The following FGF12 variants were observed in gnomAD, a reference collection of about 807,000 sequenced individuals.
FGF12 encodes fibroblast growth factor 12.
A neutral mutation model predicts 23.6 loss-of-function variants in FGF12; 14 were observed. That is an observed-to-expected ratio of 0.59 (90% confidence interval 0.39 to 0.93). The LOEUF (loss-of-function observed/expected upper bound fraction) is 0.93, where lower values mean the gene tolerates loss of function less well. Among genes scored for constraint, FGF12 ranks in the 40% least tolerant of loss-of-function variants. FGF12 has a pLI of 0.00. For synonymous variants in FGF12, 62 were observed against 77.3 expected, an observed-to-expected ratio of 0.80 and a Z score of 1.04; for missense variants, 175 against 217.8, an observed-to-expected ratio of 0.80 and a Z score of 1.24.
At chr3:192,628,725 A>G (rs1715275077) in intron 2 of FGF12, among the ~76,000 whole-genome samples, 1 of 149,904 alleles carries the variant, frequency 6.7e-6, no homozygotes, top group Non-Finnish European at 1.5e-5. Context: ...ATACATAAAT[A>G]CATATATACA....
Position 192,205,321 on chromosome 3 carries a change from A to G in FGF12, c.229-34665T>C, listed in dbSNP as rs576288410. 9.2e-5 allele frequency among the ~76,000 whole-genome samples: 14 copies of G among 152,334 alleles called. No homozygotes were observed. The East Asian group carries it at 2.7e-3, about 29-fold the overall frequency. On this transcript the variant is annotated intron_variant, in intron 4 of 5. Transcript: ENST00000445105. ...CCTTTATAGCACTTTCTAAGAGATT[A>G]AAGAAATACCGCCAACTACCATACC...
At chr3:192,196,858 A>T (rs1218193038) in intron 4 of FGF12, among the ~76,000 whole-genome samples, 1 of 149,168 alleles carries the variant, frequency 6.7e-6, no homozygotes, top group African/African-American at 2.4e-5. Flanking sequence ...AAAGACAAGT[A>T]TTTTTTTTTT....
At chr3:192,349,638 G>A (rs1033770343) in intron 3 of FGF12, among the ~76,000 whole-genome samples, 2 of 152,006 alleles carry the variant, frequency 1.3e-5, no homozygotes, top group East Asian at 1.9e-4. Context: ...GTAACACTGC[G>A]AAAGTGTCTT....
At chr3:192,714,289 T>C (rs538453463) in intron 2 of FGF12, among the ~76,000 whole-genome samples, 1 of 152,254 alleles carries the variant, frequency 6.6e-6, no homozygotes, top group East Asian at 1.9e-4. Context: ...TTTAGAACTC[T>C]GTCTTCGCTA....
At chr3:192,373,881 G>A (rs114709153) in intron 2 of FGF12, among the ~76,000 whole-genome samples, 1,890 of 152,224 alleles carry the variant, frequency 0.012, 39 homozygotes, top group Middle Eastern at 0.054. Context: ...TCTCATGGCC[G>A]ACTCCAAGAA....
chr3:192,496,810 C>T (rs1034735152), intron 2 of FGF12, among the ~76,000 whole-genome samples: 2 of 152,228 alleles, frequency 1.3e-5, no homozygotes, highest in Admixed American at 6.5e-5. Context: ...ACTTTGTTCA[C>T]TTAATTCCTG....
chr3:192,595,105 CTTTAT>C (rs1222528704), intron 2 of FGF12, among the ~76,000 whole-genome samples: 1 of 152,172 alleles, frequency 6.6e-6, no homozygotes, highest in East Asian at 1.9e-4. Flanking sequence ...TTTTAACTAA[CTTTAT>C]TTTCTCTCAG....
intron 2 of FGF12, among the ~76,000 whole-genome samples, chr3:192,713,175 G>T (rs756356612): frequency 6.6e-6 from 1 of 152,124 alleles, no homozygotes; most frequent in Non-Finnish European, 1.5e-5. Flanking sequence ...ACTAAATACT[G>T]ATCTAACAAA....
intron 2 of FGF12, among the ~76,000 whole-genome samples, chr3:192,705,905 G>A (rs1180014514): frequency 3.3e-5 from 5 of 152,148 alleles, no homozygotes; most frequent in Non-Finnish European, 7.3e-5. Context: ...TTAACATAGT[G>A]CCTGATTCTT....
At chr3:192,418,326 T>C (rs547845076) in intron 2 of FGF12, among the ~76,000 whole-genome samples, 19 of 152,058 alleles carry the variant, frequency 1.2e-4, no homozygotes, top group African/African-American at 4.6e-4. Context: ...ATCTCTGGGG[T>C]GAGTTAGTCC....
chr3:192,480,102 G>A (rs1051509750), intron 2 of FGF12, among the ~76,000 whole-genome samples: 12 of 152,132 alleles, frequency 7.9e-5, no homozygotes, highest in African/African-American at 2.7e-4. Context: ...GCACCAACAA[G>A]TAGAATTATT....
intron 4 of FGF12, among the ~76,000 whole-genome samples, chr3:192,297,621 G>A (rs1331776033): frequency 6.6e-6 from 1 of 152,142 alleles, no homozygotes; most frequent in African/African-American, 2.4e-5. Context: ...CATTTGCAAA[G>A]TGCTTTAAAA....
chr3:192,496,282 C>CG (rs1560129047), intron 2 of FGF12, among the ~76,000 whole-genome samples: 1 of 151,888 alleles, frequency 6.6e-6, no homozygotes, highest in African/African-American at 2.4e-5. Flanking sequence ...AATATAATCT[C>CG]GGGGGGAGCT....
At chr3:192,193,206 G>A (rs1045817634) in intron 4 of FGF12, among the ~76,000 whole-genome samples, 1 of 152,194 alleles carries the variant, frequency 6.6e-6, no homozygotes, top group East Asian at 1.9e-4. Context: ...TCCTGGTCTC[G>A]CTTGCCTTGC....
Position 192,474,109 on chromosome 3 carries a change from G to A in FGF12, c.14-113571C>T, listed in dbSNP as rs138258430. Among the ~76,000 whole-genome samples the A allele has an allele frequency of 2.8e-3, 432 of 152,254 alleles. 2 individuals are homozygous for A. The highest frequency in any genetic ancestry group is 9.8e-3 in the African/African-American group (406 of 41,546). On this transcript the variant is annotated intron_variant, in intron 2 of 5. Transcript: ENST00000445105. ...GAAGACTGATTTTATTTTAATTTAA[G>A]GATAAGAATGATATCATATTGCCTT...
intron 2 of FGF12, among the ~76,000 whole-genome samples, chr3:192,453,288 A>T (rs1576991380): frequency 6.6e-6 from 1 of 152,160 alleles, no homozygotes; most frequent in East Asian, 1.9e-4. Context: ...TTGGGAAACT[A>T]ATTTGATCAC....
intron 2 of FGF12, among the ~76,000 whole-genome samples, chr3:192,667,542 G>A (rs911319146): frequency 1.3e-5 from 2 of 150,710 alleles, no homozygotes; most frequent in African/African-American, 2.5e-5. Flanking sequence ...CCCAGGAGGC[G>A]GAGGTTGCAC....
rs1449348745 is a variant in FGF12, at chr3:192,142,399, A to C, written c.*1610T>G. 6 of 152,676 alleles carry C rather than the reference A, an allele frequency of 3.9e-5. No homozygotes were observed. The East Asian group carries it at 1.2e-3, about 30-fold the overall frequency. The allele number at this position is 152,676 out of a possible 1,614,324, so 9.5% of individuals were successfully genotyped here. Reference sequence around the variant, plus strand: ...TAGGGAGTCATATTTGGAACAATACATGCTGGACAGTAGAGATATAGGAGA... The same window carrying C: ...TAGGGAGTCATATTTGGAACAATACCTGCTGGACAGTAGAGATATAGGAGA... On this transcript the variant is annotated 3_prime_UTR_variant, in exon 6 of 6. Transcript: ENST00000445105.
At chr3:192,707,744 C>CAAAAAAAAAAAA (rs780175053) in intron 2 of FGF12, among the ~76,000 whole-genome samples, 10 of 84,812 alleles carry the variant, frequency 1.2e-4, no homozygotes, top group South Asian at 5.7e-4. Context: ...GACTCCTTCT[C>CAAAAAAAAAAAA]AAAAAAAAAA....
Sources: allele counts gnomAD v4.1 joint callset (sites outside exome capture counted in the v4.1 genomes callset), GRCh38; gene constraint gnomAD v4.1.1; transcripts MANE v1.5; gene names NCBI Gene and HGNC (gene_info 2026-07-23, HGNC 2026-07-21).